Variants in PLCB4 observed in about 807,000 individuals in gnomAD.
PLCB4 encodes 1-phosphatidylinositol 4,5-bisphosphate phosphodiesterase beta-4.
Under a neutral mutation model 178.8 loss-of-function variants are expected in PLCB4, and 77 were observed. The observed-to-expected ratio is 0.43, with a 90% CI of 0.36 to 0.52. PLCB4 has a LOEUF of 0.52. Ranked by LOEUF, PLCB4 falls within the 20% of genes least tolerant of loss-of-function variation. The pLI, the probability that PLCB4 is intolerant of heterozygous loss-of-function variation, is 0.00. For missense variants in PLCB4, 1,024 were observed against 1,453.4 expected, an observed-to-expected ratio of 0.70 and a Z score of 4.80; for synonymous variants, 496 against 490.8, an observed-to-expected ratio of 1.01 and a Z score of -0.14.
intron 25 of PLCB4, among the ~76,000 whole-genome samples, chr20:9,412,855 T>C (rs1315131438): frequency 6.6e-6 from 1 of 152,232 alleles, no homozygotes; most frequent in Non-Finnish European, 1.5e-5. Flanking sequence ...TGAGCCCTTA[T>C]ACCTATCACC....
intron 1 of PLCB4, among the ~76,000 whole-genome samples, chr20:9,074,237 G>A (rs919224292): frequency 3.3e-5 from 5 of 152,188 alleles, no homozygotes; most frequent in Admixed American, 1.3e-4. Context: ...AGTGCTTGGT[G>A]CTGCACTGTG....
chr20:9,280,953 A>G (rs2147690560), intron 3 of PLCB4, among the ~76,000 whole-genome samples: 1 of 151,780 alleles, frequency 6.6e-6, no homozygotes, highest in East Asian at 1.9e-4. Flanking sequence ...CTGCTACAAA[A>G]AAAAAAAAAA....
intron 21 of PLCB4, among the ~76,000 whole-genome samples, chr20:9,406,316 G>C (rs1011158433): frequency 5.3e-5 from 8 of 152,098 alleles, no homozygotes; most frequent in African/African-American, 1.9e-4. Context: ...GGAAGGAACG[G>C]ACATGGCCGT....
At chr20:9,168,776 C>A (rs1012206796) in intron 2 of PLCB4, among the ~76,000 whole-genome samples, 1 of 152,182 alleles carries the variant, frequency 6.6e-6, no homozygotes, top group Non-Finnish European at 1.5e-5. Flanking sequence ...GCTGGTGACA[C>A]TGGCCGCTTT....
At chr20:9,125,212 T>A (rs1182709586) in intron 2 of PLCB4, among the ~76,000 whole-genome samples, 1 of 152,212 alleles carries the variant, frequency 6.6e-6, no homozygotes, top group East Asian at 1.9e-4. Context: ...AACAATAGGA[T>A]GTGTATTGTT....
At chr20:9,319,388 A>G (rs1314209393) in intron 4 of PLCB4, among the ~76,000 whole-genome samples, 2 of 152,206 alleles carry the variant, frequency 1.3e-5, no homozygotes, top group Admixed American at 6.5e-5. Context: ...AGGGTGCTGT[A>G]TTAGTGAGGG....
chr20:9,413,287 G>A (rs563559865), intron 25 of PLCB4, among the ~76,000 whole-genome samples: 1 of 152,224 alleles, frequency 6.6e-6, no homozygotes, highest in South Asian at 2.1e-4. Context: ...TGGCAGCCTG[G>A]CCGGATGCAG....
chr20:9,083,469 T>C (rs1251412711), intron 1 of PLCB4, among the ~76,000 whole-genome samples: 1 of 133,210 alleles, frequency 7.5e-6, no homozygotes, highest in East Asian at 2.4e-4. Flanking sequence ...TTTTTGTCTT[T>C]ACTGGATGGC....
At chr20:9,236,780 A>G (rs1477644143) in intron 3 of PLCB4, among the ~76,000 whole-genome samples, 4 of 152,212 alleles carry the variant, frequency 2.6e-5, no homozygotes, top group African/African-American at 9.7e-5. Flanking sequence ...TCAACAGCTG[A>G]ATGCTATTTA....
rs2041821816 is a variant in PLCB4, at chr20:9,437,141, A to T, written c.2753A>T (p.Glu918Val). Reference sequence around the variant, plus strand: ...ACGGCTGCCCTGGCCTCTGGTGTGGAAGCCAAGAAAGGTGAGAGAGAGCCG... The same window carrying T: ...ACGGCTGCCCTGGCCTCTGGTGTGGTAGCCAAGAAAGGTGAGAGAGAGCCG... ...TTTAALASGV[E>V]AKKGIELIPQ... Residue 918 changes from glutamate to valine, a missense_variant, in exon 30 of 40, where the codon GAA (glutamate) becomes GTA (valine). Around this residue, in one of 7 missense-constraint regions of PLCB4, gnomAD observed 227 missense variants for 374.3 expected, o/e 0.61. Transcript: ENST00000378473. The T allele has an allele frequency of 5.6e-6, 9 of 1,613,794 alleles. No individual in the cohort carries two copies. Among genetic ancestry groups the T allele is most frequent in the Non-Finnish European group, 7.6e-6 (9 of 1,179,892 alleles).
chr20:9,411,318 C>T (rs56925269), intron 25 of PLCB4, among the ~76,000 whole-genome samples: 5,951 of 152,266 alleles, frequency 0.039, 397 homozygotes, highest in African/African-American at 0.14. Context: ...GCAGTTCATA[C>T]ATATGCTACA....
chr20:9,080,320 C>A (rs2090083504), intron 1 of PLCB4, among the ~76,000 whole-genome samples: 1 of 152,086 alleles, frequency 6.6e-6, no homozygotes. Flanking sequence ...TAATTAGAAT[C>A]ATAAAATAAT....
intron 3 of PLCB4, among the ~76,000 whole-genome samples, chr20:9,299,113 C>T (rs1304961735): frequency 1.3e-5 from 2 of 151,942 alleles, no homozygotes; most frequent in East Asian, 3.9e-4. Context: ...TGTGTGAAGG[C>T]TCCCATTGTA....
intron 3 of PLCB4, among the ~76,000 whole-genome samples, chr20:9,272,937 G>A (rs535832002): frequency 2.6e-4 from 39 of 150,978 alleles, no homozygotes; most frequent in Admixed American, 5.3e-4. Context: ...AGCAGTGTTG[G>A]ATATATAGAA....
intron 17 of PLCB4, 77 bp downstream of exon 17, chr20:9,390,692 A>C (rs1219610260): frequency 5.7e-6 from 4 of 705,214 alleles, no homozygotes; most frequent in Non-Finnish European, 1.0e-5. Context: ...AAGTAGTACT[A>C]GAGGACTAAT....
intron 28 of PLCB4, among the ~76,000 whole-genome samples, chr20:9,434,789 T>C (rs1272260952): frequency 2.0e-5 from 3 of 152,196 alleles, no homozygotes; most frequent in African/African-American, 7.2e-5. Context: ...TATCCTAAGA[T>C]TGTAATTAGG....
chr20:9,288,384 T>TTTTTCC (rs1225115080), intron 3 of PLCB4, among the ~76,000 whole-genome samples: 1 of 150,228 alleles, frequency 6.7e-6, no homozygotes, highest in East Asian at 2.0e-4. Context: ...TAAAAAGGCC[T>TTTTTCC]TTTTCCTTTG....
At chr20:9,263,059 C>T (rs2094313917) in intron 3 of PLCB4, among the ~76,000 whole-genome samples, 1 of 152,150 alleles carries the variant, frequency 6.6e-6, no homozygotes, top group Non-Finnish European at 1.5e-5. Flanking sequence ...TAGATATTTA[C>T]ATGCCTATTT....
intron 2 of PLCB4, among the ~76,000 whole-genome samples, chr20:9,168,656 C>T (rs1047921458): frequency 2.0e-5 from 3 of 152,162 alleles, no homozygotes; most frequent in Non-Finnish European, 2.9e-5. Flanking sequence ...CCACCAGATA[C>T]CAAATAACTG....
Sources: allele counts gnomAD v4.1 joint callset (sites outside exome capture counted in the v4.1 genomes callset), GRCh38; gene constraint gnomAD v4.1.1; regional missense constraint gnomAD v4.1.1; transcripts MANE v1.5; gene names NCBI Gene and HGNC (gene_info 2026-07-23, HGNC 2026-07-21).